CCNJL: variants seen among roughly 807,000 people sequenced by gnomAD.
CCNJL encodes cyclin J like, also known as cyclin-J-like protein.
In CCNJL, 33 loss-of-function variants were observed where a neutral mutation model predicts 33.4. The ratio of observed to expected loss-of-function variants is 0.99; its 90% CI spans 0.75 to 1.32. The LOEUF is 1.32. CCNJL is among the 40% of genes most tolerant of loss of function. The probability of loss-of-function intolerance (pLI) is 0.00; values close to 1 mark genes in which losing one functional copy is unlikely to be tolerated. For missense variants in CCNJL, 512 were observed against 499.7 expected, an observed-to-expected ratio of 1.02 and a Z score of -0.23; for synonymous variants, 227 against 220.9, an observed-to-expected ratio of 1.03 and a Z score of -0.24.
At chr5:160,272,957 T>C (rs1761889354) in intron 3 of CCNJL, among the ~76,000 whole-genome samples, 1 of 152,140 alleles carries the variant, frequency 6.6e-6, no homozygotes, top group Non-Finnish European at 1.5e-5. Context: ...AATCATTACA[T>C]AAATGACAGT....
intron 2 of CCNJL, among the ~76,000 whole-genome samples, chr5:160,289,159 A>C (rs1161587391): frequency 6.6e-6 from 1 of 152,006 alleles, no homozygotes; most frequent in Non-Finnish European, 1.5e-5. Flanking sequence ...CCTCCTACCC[A>C]GCAGCCTCCT....
intron 1 of CCNJL, among the ~76,000 whole-genome samples, chr5:160,319,412 A>G (rs1158504392): frequency 6.6e-6 from 1 of 152,184 alleles, no homozygotes; most frequent in Non-Finnish European, 1.5e-5. Flanking sequence ...TGCTTAGCTT[A>G]TGCCAGCACT....
intron 2 of CCNJL, among the ~76,000 whole-genome samples, chr5:160,311,215 G>A (rs1393849814): frequency 6.6e-6 from 1 of 152,070 alleles, no homozygotes; most frequent in Non-Finnish European, 1.5e-5. Flanking sequence ...TCTGCCACAG[G>A]AGGCAAACCG....
At chr5:160,294,969 G>A (rs563920161) in intron 2 of CCNJL, 1 of 152,342 alleles carries the variant, frequency 6.6e-6, no homozygotes, top group Non-Finnish European at 1.5e-5. Context: ...CGACCCTAAT[G>A]AGAAGCCCAA....
chr5:160,272,396 T>C (rs1445216495), intron 3 of CCNJL, among the ~76,000 whole-genome samples: 5 of 152,150 alleles, frequency 3.3e-5, no homozygotes, highest in Non-Finnish European at 7.4e-5. Flanking sequence ...CAATAGCTTT[T>C]AGTGGTATCT....
At chr5:160,337,003 C>CT (rs35461944) in intron 1 of CCNJL, among the ~76,000 whole-genome samples, 22,980 of 95,042 alleles carry the variant, frequency 0.24, 3,223 homozygotes, top group South Asian at 0.33. Flanking sequence ...CTTTTTCTTT[C>CT]TTTTTTTTTT....
chr5:160,297,295 C>T (rs1762775120), intron 2 of CCNJL, among the ~76,000 whole-genome samples: 1 of 152,158 alleles, frequency 6.6e-6, no homozygotes, highest in Non-Finnish European at 1.5e-5. Context: ...CTTTCGCAGG[C>T]ACTGTGTGAC....
intron 2 of CCNJL, among the ~76,000 whole-genome samples, chr5:160,288,861 T>C (rs897180134): frequency 7.2e-6 from 1 of 138,434 alleles, no homozygotes; most frequent in African/African-American, 2.7e-5. Context: ...AAGAATAACA[T>C]CACTCATATT....
intron 2 of CCNJL, among the ~76,000 whole-genome samples, chr5:160,288,244 C>T (rs914512699): frequency 1.3e-5 from 2 of 152,116 alleles, no homozygotes; most frequent in African/African-American, 4.8e-5. Context: ...CACGATCATG[C>T]TTTTCAACAG....
intron 3 of CCNJL, among the ~76,000 whole-genome samples, chr5:160,276,779 ATCTC>A (rs113862976): frequency 3.9e-5 from 6 of 151,934 alleles, no homozygotes; most frequent in Non-Finnish European, 8.8e-5. Flanking sequence ...CATGAATTTT[ATCTC>A]TCTTTTTTTT....
intron 4 of CCNJL, among the ~76,000 whole-genome samples, chr5:160,256,395 T>C (rs1761064508): frequency 1.3e-5 from 2 of 152,234 alleles, no homozygotes; most frequent in Admixed American, 1.3e-4. Context: ...ATTGTAACAA[T>C]GCCTGGCCCA....
At chr5:160,321,454 A>T (rs758903162) in intron 1 of CCNJL, among the ~76,000 whole-genome samples, 5 of 152,086 alleles carry the variant, frequency 3.3e-5, no homozygotes, top group Non-Finnish European at 7.4e-5. Flanking sequence ...CCACAAAGCC[A>T]CCTTCTATGA....
At chr5:160,294,791 G>C (rs1293892829) in intron 2 of CCNJL, 1 of 152,260 alleles carries the variant, frequency 6.6e-6, no homozygotes, top group Non-Finnish European at 1.5e-5. Context: ...CAGGGGAAGA[G>C]GTCCCGATGT....
At chr5:160,263,009 T>C (rs752804130) in intron 3 of CCNJL, among the ~76,000 whole-genome samples, 5 of 152,178 alleles carry the variant, frequency 3.3e-5, no homozygotes, top group African/African-American at 4.8e-5. Flanking sequence ...AGCCAGACAA[T>C]AGCCATGGAA....
intron 2 of CCNJL, among the ~76,000 whole-genome samples, chr5:160,301,452 G>C (rs1400462748): frequency 8.0e-6 from 1 of 124,340 alleles, no homozygotes; most frequent in African/African-American, 3.1e-5. Flanking sequence ...TTTTTTTTTT[G>C]AGATGGAGTC....
At chr5:160,277,281 A>G (rs1278983602) in intron 3 of CCNJL, among the ~76,000 whole-genome samples, 1 of 152,168 alleles carries the variant, frequency 6.6e-6, no homozygotes, top group Non-Finnish European at 1.5e-5. Context: ...CATGGGGTCC[A>G]GCATGTAGAA....
chr5:160,323,641 A>G (rs1256866139), intron 1 of CCNJL, among the ~76,000 whole-genome samples: 1 of 152,194 alleles, frequency 6.6e-6, no homozygotes, highest in East Asian at 1.9e-4. Flanking sequence ...AGGGTGTGAC[A>G]GTTAATTTTG....
intron 2 of CCNJL, among the ~76,000 whole-genome samples, chr5:160,292,652 T>C (rs1762623534): frequency 6.6e-6 from 1 of 150,556 alleles, no homozygotes; most frequent in Non-Finnish European, 1.5e-5. Context: ...TGTATATATA[T>C]GTAACATGTG....
intron 2 of CCNJL, among the ~76,000 whole-genome samples, chr5:160,284,347 G>A (rs1655587020): frequency 6.6e-6 from 1 of 151,876 alleles, no homozygotes. Context: ...GCCAGACCCT[G>A]TCTCAAAAAA....
Sources: allele counts gnomAD v4.1 joint callset (sites outside exome capture counted in the v4.1 genomes callset), GRCh38; gene constraint gnomAD v4.1.1; transcripts MANE v1.5; gene names NCBI Gene and HGNC (gene_info 2026-07-23, HGNC 2026-07-21).